The following TMEM163 variants were observed in gnomAD, a reference collection of about 807,000 sequenced individuals.
TMEM163 encodes the protein transmembrane protein 163.
TMEM163 carries 17 observed loss-of-function variants against 29.3 expected under a neutral mutation model. The ratio of observed to expected loss-of-function variants is 0.58; its 90% CI spans 0.40 to 0.87. The LOEUF is 0.87. Among genes scored for constraint, TMEM163 ranks in the 40% least tolerant of loss-of-function variants. TMEM163 has a pLI of 0.00. For synonymous variants in TMEM163, 157 were observed against 160.6 expected, an observed-to-expected ratio of 0.98 and a Z score of 0.17; for missense variants, 303 against 381.5, an observed-to-expected ratio of 0.79 and a Z score of 1.71.
At chr2:134,614,139 G>C (rs1470460070) in intron 2 of TMEM163, among the ~76,000 whole-genome samples, 1 of 152,062 alleles carries the variant, frequency 6.6e-6, no homozygotes, top group Non-Finnish European at 1.5e-5. Flanking sequence ...ATATGTCAAT[G>C]AAACAAAACA....
At chr2:134,476,360 T>A (rs1440403045) in intron 5 of TMEM163, among the ~76,000 whole-genome samples, 1 of 152,202 alleles carries the variant, frequency 6.6e-6, no homozygotes, top group African/African-American at 2.4e-5. Context: ...CTGGGGATGA[T>A]GGAAATATTC....
chr2:134,630,254 CATG>C (rs944298667), intron 2 of TMEM163, among the ~76,000 whole-genome samples: 58 of 151,742 alleles, frequency 3.8e-4, no homozygotes, highest in African/African-American at 1.4e-3. Context: ...CGAGACAACA[CATG>C]ATAAGTCTCT....
intron 5 of TMEM163, among the ~76,000 whole-genome samples, chr2:134,471,044 T>A (rs1686789201): frequency 1.3e-5 from 2 of 152,194 alleles, no homozygotes; most frequent in Admixed American, 6.5e-5. Flanking sequence ...TAGTGGCACA[T>A]GCTTGTAGCC....
intron 2 of TMEM163, among the ~76,000 whole-genome samples, chr2:134,697,550 C>T (rs570554859): frequency 1.3e-5 from 2 of 151,388 alleles, no homozygotes; most frequent in South Asian, 2.1e-4. Flanking sequence ...CTGCAACCTC[C>T]GCCTCCCGGG....
intron 4 of TMEM163, among the ~76,000 whole-genome samples, chr2:134,514,479 A>G (rs996255968): frequency 1.3e-5 from 2 of 148,548 alleles, no homozygotes; most frequent in African/African-American, 5.0e-5. Context: ...GGCTCTGTGC[A>G]TGAACTACTT....
intron 2 of TMEM163, among the ~76,000 whole-genome samples, chr2:134,667,351 CTG>C (rs1399837080): frequency 6.6e-6 from 1 of 152,228 alleles, no homozygotes; most frequent in Non-Finnish European, 1.5e-5. Context: ...TGAGTGCAAA[CTG>C]TGTTTTCCAA....
intron 2 of TMEM163, among the ~76,000 whole-genome samples, chr2:134,690,089 C>A (rs1308948352): frequency 6.6e-6 from 1 of 152,066 alleles, no homozygotes; most frequent in East Asian, 1.9e-4. Flanking sequence ...CACCACCATG[C>A]CTGGCTAATT....
rs183968809 is a variant in TMEM163 at position 134,648,461 on chromosome 2, A to T, written c.322+64739T>A. ...GGAAAACAGGAATGCATGCTCTCAC[A>T]GTGGGCCACAGTTCCAGGCTTGAGG... On this transcript the variant is annotated intron_variant, in intron 2 of 7. Coordinates refer to ENST00000281924, the MANE Select transcript of TMEM163 (RefSeq NM_030923.5). 1.6e-3 allele frequency among the ~76,000 whole-genome samples: 251 copies of T among 152,190 alleles called. 1 individual carries two copies. Among genetic ancestry groups the T allele is most frequent in the African/African-American group, 5.6e-3 (234 of 41,540 alleles).
At chr2:134,699,340 C>A (rs1427538954) in intron 2 of TMEM163, among the ~76,000 whole-genome samples, 5 of 152,054 alleles carry the variant, frequency 3.3e-5, no homozygotes, top group African/African-American at 1.2e-4. Flanking sequence ...ACTGTCTCTA[C>A]TAAAAATACA....
intron 4 of TMEM163, among the ~76,000 whole-genome samples, chr2:134,516,971 T>C (rs1416901465): frequency 6.6e-6 from 1 of 152,026 alleles, no homozygotes; most frequent in Non-Finnish European, 1.5e-5. Context: ...GTTATGTGTT[T>C]AGTGGATTAG....
intron 2 of TMEM163, among the ~76,000 whole-genome samples, chr2:134,691,982 T>C (rs896573461): frequency 6.6e-6 from 1 of 152,144 alleles, no homozygotes; most frequent in Admixed American, 6.5e-5. Flanking sequence ...TTCAGAACCG[T>C]AGCAGGAGTG....
intron 2 of TMEM163, among the ~76,000 whole-genome samples, chr2:134,631,190 T>G (rs1296420044): frequency 2.0e-5 from 3 of 152,120 alleles, no homozygotes. Flanking sequence ...CTAGAATATG[T>G]CAAGGGGGAC....
chr2:134,598,369 C>T (rs886797513), intron 2 of TMEM163, among the ~76,000 whole-genome samples: 6 of 152,080 alleles, frequency 3.9e-5, no homozygotes, highest in Non-Finnish European at 7.3e-5. Context: ...GTAGCTAGCA[C>T]TATGTACTAT....
chr2:134,463,874 C>T (rs1360361925), intron 6 of TMEM163, among the ~76,000 whole-genome samples: 1 of 152,168 alleles, frequency 6.6e-6, no homozygotes, highest in Admixed American at 6.5e-5. Flanking sequence ...CAGGACCTGA[C>T]GGCAGCAGGA....
At chr2:134,718,168 A>G (rs928075885) in intron 1 of TMEM163, among the ~76,000 whole-genome samples, 1 of 152,244 alleles carries the variant, frequency 6.6e-6, no homozygotes, top group Non-Finnish European at 1.5e-5. Context: ...GTCCGCGATT[A>G]GAATCGGGGA....
intron 2 of TMEM163, among the ~76,000 whole-genome samples, chr2:134,622,230 G>A (rs1254968938): frequency 1.3e-5 from 2 of 152,246 alleles, no homozygotes; most frequent in East Asian, 3.9e-4. Flanking sequence ...ATGGAATAAT[G>A]GTGATACACA....
intron 2 of TMEM163, among the ~76,000 whole-genome samples, chr2:134,708,436 G>A (rs1456796470): frequency 6.6e-6 from 1 of 152,050 alleles, no homozygotes; most frequent in Non-Finnish European, 1.5e-5. Context: ...CCATTTTTAA[G>A]GGTTAAGAGT....
chr2:134,548,530 T>C (rs1243512962), intron 4 of TMEM163, among the ~76,000 whole-genome samples: 1 of 152,226 alleles, frequency 6.6e-6, no homozygotes, highest in East Asian at 1.9e-4. Flanking sequence ...GGCTTCTTAT[T>C]GAATTCCTCA....
intron 4 of TMEM163, among the ~76,000 whole-genome samples, chr2:134,530,787 G>A (rs1680399334): frequency 6.6e-6 from 1 of 152,164 alleles, no homozygotes; most frequent in African/African-American, 2.4e-5. Context: ...ATAAATCAAA[G>A]TAATTATTTC....
Sources: gnomAD v4.1 joint callset for allele counts (sites outside exome capture counted in the v4.1 genomes callset) on GRCh38, gnomAD v4.1.1 for gene constraint, MANE v1.5 for transcripts, NCBI Gene and HGNC (gene_info 2026-07-23, HGNC 2026-07-21) for gene names.